The following CCDC171 variants were observed in gnomAD, a reference collection of about 807,000 sequenced individuals.
CCDC171 encodes coiled-coil domain containing 171, also known as coiled-coil domain-containing protein 171.
Under a neutral mutation model 168.2 loss-of-function variants are expected in CCDC171, and 177 were observed. The observed-to-expected ratio is 1.05, with a 90% CI of 0.93 to 1.19. CCDC171 has a LOEUF of 1.19. Ranked by LOEUF, CCDC171 falls within the 50% of genes most tolerant of loss-of-function variation. The pLI is 0.00. For synonymous variants in CCDC171, 687 were observed against 540.8 expected, an observed-to-expected ratio of 1.27 and a Z score of -3.75; for missense variants, 1,991 against 1,539.0, an observed-to-expected ratio of 1.29 and a Z score of -4.91.
At chr9:16,071,268 C>G in the CCDC171 span, among the ~76,000 whole-genome samples, 1 of 152,150 alleles carries the variant, frequency 6.6e-6, no homozygotes, top group Non-Finnish European at 1.5e-5. Context: ...TTTTCCTCCA[C>G]CGAGTCTGAG....
At chr9:15,977,769 G>C (rs1352407514), downstream of CCDC171, among the ~76,000 whole-genome samples, 2 of 152,130 alleles carry the variant, frequency 1.3e-5, no homozygotes, top group African/African-American at 4.8e-5. Context: ...TCATCTGACA[G>C]GTTAAGAGCT....
At chr9:15,923,632 G>T (rs1239681384) in intron 25 of CCDC171, among the ~76,000 whole-genome samples, 2 of 151,310 alleles carry the variant, frequency 1.3e-5, no homozygotes, top group African/African-American at 4.8e-5. Flanking sequence ...AAAGTGCAAA[G>T]AGTGGATTTT....
At chr9:15,737,334 G>A (rs904720662) in intron 16 of CCDC171, among the ~76,000 whole-genome samples, 2 of 152,086 alleles carry the variant, frequency 1.3e-5, no homozygotes, top group African/African-American at 4.8e-5. Flanking sequence ...GTTTATCATA[G>A]GCTGTACATA....
In CCDC171 at chr9:15,973,327, T is replaced by C. The variant is rs1831515253; in HGVS notation, c.*1491T>C. ...GTATTACAGAAGTTTTTTTGTCTTA[T>C]CTTTACAGTGACATTTGATTCAAAT... On this transcript the variant is annotated 3_prime_UTR_variant, in exon 26 of 26. Coordinates refer to ENST00000380701, the MANE Select transcript of CCDC171 (RefSeq NM_173550.4). The C allele has an allele frequency of 1.4e-5, 2 of 145,082 alleles. No individual in the cohort carries two copies. The highest frequency in any genetic ancestry group is 2.0e-4 in the East Asian group (1 of 5,056). 9.0% of individuals were successfully genotyped at this position (145,082 alleles called of 1,614,324 possible). A position where few individuals can be genotyped will look rare whatever the true frequency, so the allele number is the denominator to read the frequency against.
chr9:15,710,054 C>T (rs2052543217), intron 11 of CCDC171, among the ~76,000 whole-genome samples: 1 of 151,986 alleles, frequency 6.6e-6, no homozygotes, highest in Non-Finnish European at 1.5e-5. Flanking sequence ...ATATTGAAAA[C>T]ATGAAAATAT....
rs773212402 is a variant in CCDC171, at chr9:15,723,708, A to C, written c.1453A>C (p.Thr485Pro). ...EEKACNELDS[T>P]KQKIDSHTKN... ...AAAGGCATGTAATGAACTTGATTCTACGAAACAGAAGATAGACTCTCACAC... is the reference window on the plus strand; with the variant it reads ...AAAGGCATGTAATGAACTTGATTCTCCGAAACAGAAGATAGACTCTCACAC... The change falls in exon 13 of 26, where the codon ACG becomes CCG. Residue 485 changes from threonine to proline, a missense_variant. Transcript: ENST00000380701. 9.4e-6 allele frequency: 15 copies of C among 1,587,902 alleles called. No homozygotes were observed. The South Asian group carries it at 1.4e-4, about 14-fold the overall frequency.
chr9:15,959,864 A>C (rs1326424838), intron 25 of CCDC171, among the ~76,000 whole-genome samples: 2 of 152,204 alleles, frequency 1.3e-5, no homozygotes, highest in African/African-American at 2.4e-5. Flanking sequence ...TCTGTGACAG[A>C]TACTGCAAGG....
intron 3 of CCDC171, among the ~76,000 whole-genome samples, chr9:16,013,320 A>T (rs956962804): frequency 6.6e-6 from 1 of 152,200 alleles, no homozygotes. Flanking sequence ...GTTTCTCTCT[A>T]GCTTTCTGCC....
At chr9:15,931,711 A>G (rs1826539394) in intron 25 of CCDC171, among the ~76,000 whole-genome samples, 1 of 151,352 alleles carries the variant, frequency 6.6e-6, no homozygotes, top group Admixed American at 6.6e-5. Context: ...AATATCATGA[A>G]GCATTTCTCC....
intron 21 of CCDC171, among the ~76,000 whole-genome samples, chr9:15,793,343 A>G (rs552490297): frequency 1.3e-5 from 2 of 152,108 alleles, no homozygotes; most frequent in South Asian, 2.1e-4. Context: ...AGAGACCTAC[A>G]AAGAGACTTA....
At position 15,610,444 on chromosome 9, in the gene CCDC171, T is replaced by TAAAAAAAAAAAAAA. The variant is rs754593075; in HGVS notation, c.676-12799_676-12786dup. 3.1e-4 allele frequency among the ~76,000 whole-genome samples: 4 copies of TAAAAAAAAAAAAAA among 12,724 alleles called. 2 individuals carry two copies. Among genetic ancestry groups the TAAAAAAAAAAAAAA allele is most frequent in the African/African-American group, 4.8e-4 (2 of 4,130 alleles). The allele number at this position is 12,724 out of a possible 152,430, so 8.3% of individuals were successfully genotyped here. A position where few individuals can be genotyped will look rare whatever the true frequency, so the allele number is the denominator to read the frequency against. On this transcript the variant is annotated intron_variant, in intron 6 of 25. Transcript: ENST00000380701. ...CAACATGGTGAAACCCCATCTCAAC[T>TAAAAAAAAAAAAAA]AAAAAAAAAAAAAAAAAAAAAAAAA...
At chr9:15,873,774 G>T (rs1217998305) in intron 23 of CCDC171, among the ~76,000 whole-genome samples, 1 of 152,090 alleles carries the variant, frequency 6.6e-6, no homozygotes, top group Non-Finnish European at 1.5e-5. Context: ...AGGTGGCAGT[G>T]TGATATCAAC....
Position 15,971,665 on chromosome 9 carries a change from T to A in CCDC171, c.3810T>A (p.Ala1270=). Residue 1270 remains alanine, a synonymous_variant, in exon 26 of 26, where the codon GCT becomes GCA. Coordinates refer to ENST00000380701, the MANE Select transcript of CCDC171 (RefSeq NM_173550.4). ...LSIPSRAPLP[A]DTTGIGDFLP... is the part of the protein sequence containing the mutation. ...TTCCTTCAAGAGCTCCTCTTCCTGC[T>A]GACACAACTGGTATTGGGGATTTCT... is the stretch of plus-strand genomic sequence containing the variant. 6.2e-7 allele frequency: 1 copy of A among 1,613,954 alleles called. No homozygotes were observed.
chr9:15,799,118 TTG>T (rs1427406609), intron 21 of CCDC171, among the ~76,000 whole-genome samples: 9 of 123,346 alleles, frequency 7.3e-5, no homozygotes, highest in African/African-American at 2.7e-4. Context: ...AAGAAAACAA[TTG>T]TCTTTCATCA....
At chr9:15,897,450 G>C (rs1353809058) in intron 24 of CCDC171, among the ~76,000 whole-genome samples, 2 of 152,046 alleles carry the variant, frequency 1.3e-5, no homozygotes, top group Non-Finnish European at 2.9e-5. Flanking sequence ...TGCTTTGATA[G>C]AATAGAGATT....
chr9:15,759,031 A>G (rs1037980775), intron 18 of CCDC171, among the ~76,000 whole-genome samples: 4 of 152,140 alleles, frequency 2.6e-5, no homozygotes, highest in Non-Finnish European at 5.9e-5. Context: ...ATATGATTTC[A>G]TTCTTTTTCA....
chr9:15,805,392 T>C (rs2135856285), intron 21 of CCDC171, among the ~76,000 whole-genome samples: 1 of 152,316 alleles, frequency 6.6e-6, no homozygotes, highest in East Asian at 1.9e-4. Context: ...TGCCATAAAC[T>C]TCCCTCTTAA....
At chr9:15,789,063 C>G (rs1286505943) in intron 21 of CCDC171, among the ~76,000 whole-genome samples, 1 of 152,056 alleles carries the variant, frequency 6.6e-6, no homozygotes, top group Non-Finnish European at 1.5e-5. Flanking sequence ...ATGTGGAAAT[C>G]AAAGTTAACA....
intron 25 of CCDC171, among the ~76,000 whole-genome samples, chr9:15,933,864 GTGGATTCTTA>G (rs551746025): frequency 1.3e-3 from 202 of 152,114 alleles, no homozygotes; most frequent in African/African-American, 4.7e-3. Flanking sequence ...GGATTTGGCA[GTGGATTCTTA>G]TGGATTCTTA....
Sources: allele counts gnomAD v4.1 joint callset (sites outside exome capture counted in the v4.1 genomes callset), GRCh38; gene constraint gnomAD v4.1.1; transcripts MANE v1.5; gene names NCBI Gene and HGNC (gene_info 2026-07-23, HGNC 2026-07-21).